Variants in EYS observed in about 807,000 individuals in gnomAD.
The protein encoded by EYS is EGF-like photoreceptor maintenance factor.
Under a neutral mutation model 282.1 loss-of-function variants are expected in EYS, and 250 were observed. The ratio of observed to expected loss-of-function variants is 0.89; its 90% confidence interval spans 0.80 to 0.98. The LOEUF (loss-of-function observed/expected upper bound fraction) is 0.98. Among genes scored for constraint, EYS ranks in the 50% least tolerant of loss-of-function variants. The pLI is 0.00. For synonymous variants in EYS, 1,355 were observed against 1,282.9 expected (o/e 1.06, Z -1.20); for missense variants, 4,016 against 3,709.0 (o/e 1.08, Z -2.15).
chr6:64,170,220 C>T (rs1764438198), intron 31 of EYS, among the ~76,000 whole-genome samples: 1 of 151,928 alleles, frequency 6.6e-6, no homozygotes, highest in Non-Finnish European at 1.5e-5. Flanking sequence ...CAATAAATAG[C>T]CACTAACAGA....
intron 12 of EYS, among the ~76,000 whole-genome samples, chr6:65,257,645 C>G (rs1445185626): frequency 6.6e-6 from 1 of 151,466 alleles, no homozygotes; most frequent in Non-Finnish European, 1.5e-5. Context: ...TGTTTTGGTA[C>G]CAGTACCATG....
At chr6:63,805,902 T>C (rs1770893716) in intron 37 of EYS, among the ~76,000 whole-genome samples, 1 of 152,102 alleles carries the variant, frequency 6.6e-6, no homozygotes, top group African/African-American at 2.4e-5. Context: ...GAACAGTGAG[T>C]CAATTAAACT....
intron 35 of EYS, among the ~76,000 whole-genome samples, chr6:63,925,973 A>G (rs1764706026): frequency 6.6e-6 from 1 of 152,156 alleles, no homozygotes; most frequent in Non-Finnish European, 1.5e-5. Flanking sequence ...CACCGCATGC[A>G]TTAGCTATTT....
chr6:65,187,360 T>G (rs986389748), intron 12 of EYS, among the ~76,000 whole-genome samples: 9 of 151,706 alleles, frequency 5.9e-5, no homozygotes, highest in Non-Finnish European at 1.2e-4. Flanking sequence ...TTACAGTTTT[T>G]TAATGTCAAG....
chr6:63,963,934 TCAAA>T (rs544896054), intron 35 of EYS, among the ~76,000 whole-genome samples: 14 of 152,332 alleles, frequency 9.2e-5, no homozygotes, highest in African/African-American at 3.4e-4. Context: ...GCAGGAATTT[TCAAA>T]CACTTATCTT....
chr6:64,857,612 G>T (rs1224995294), intron 19 of EYS, among the ~76,000 whole-genome samples: 1 of 152,050 alleles, frequency 6.6e-6, no homozygotes, highest in African/African-American at 2.4e-5. Flanking sequence ...CATTCTTTCG[G>T]ATATGTATTC....
At chr6:64,659,521 C>A (rs1053748013) in intron 22 of EYS, among the ~76,000 whole-genome samples, 1 of 151,742 alleles carries the variant, frequency 6.6e-6, no homozygotes, top group African/African-American at 2.4e-5. Context: ...AGAGAAGAAT[C>A]AAATAGATGC....
chr6:64,919,055 T>C (rs765073934), intron 15 of EYS, among the ~76,000 whole-genome samples: 2 of 152,206 alleles, frequency 1.3e-5, no homozygotes, highest in African/African-American at 2.4e-5. Context: ...TAGGTACATA[T>C]GTAGATTCTT....
intron 15 of EYS, among the ~76,000 whole-genome samples, chr6:64,931,480 T>C (rs1215602852): frequency 6.6e-6 from 1 of 152,050 alleles, no homozygotes; most frequent in Non-Finnish European, 1.5e-5. Context: ...TTCAAAATTA[T>C]AAAGAGATGA....
intron 33 of EYS, among the ~76,000 whole-genome samples, chr6:64,018,972 G>A (rs112911597): frequency 0.027 from 4,142 of 151,578 alleles, 136 homozygotes; most frequent in African/African-American, 0.077. Context: ...ACGGGGTTTC[G>A]CCATGTTGGC....
rs70999122 is a variant in EYS at position 63,727,737 on chromosome 6, A to AATATATATAT, written c.8072-1067_8072-1058dup. Among the ~76,000 whole-genome samples the AATATATATAT allele has an allele frequency of 1.0e-3, 37 of 36,728 alleles. 1 individual carries two copies. The highest frequency in any genetic ancestry group is 2.7e-3 in the African/African-American group (10 of 3,762). The allele number at this position is 36,728 out of a possible 152,430, so 24.1% of individuals were successfully genotyped here. A position where few individuals can be genotyped will look rare whatever the true frequency, so the allele number is the denominator to read the frequency against. On this transcript the variant is annotated intron_variant, in intron 41 of 42. Transcript: ENST00000503581. ...AAAAAAAAAAAAAAAAAAAAAAAAA[A>AATATATATAT]ATATATATATATATGTTAGCTGGGC... is the stretch of plus-strand genomic sequence containing the variant.
intron 2 of EYS, among the ~76,000 whole-genome samples, chr6:65,513,775 T>A (rs1292335371): frequency 6.6e-6 from 1 of 151,930 alleles, no homozygotes; most frequent in Non-Finnish European, 1.5e-5. Flanking sequence ...AAATTAGGTA[T>A]TGATGGGATG....
In EYS at chr6:64,336,687, C is replaced by T. The variant is rs188732314; in HGVS notation, c.6079-29605G>A. On this transcript the variant is annotated intron_variant, in intron 29 of 42. Transcript: ENST00000503581. Reference sequence around the variant, plus strand: ...GCAGAATACACATTCTATTCAACAGCGCATGGAACTTTCTCCAAGGTAGAC... The same window carrying T: ...GCAGAATACACATTCTATTCAACAGTGCATGGAACTTTCTCCAAGGTAGAC... 1.8e-4 allele frequency among the ~76,000 whole-genome samples: 27 copies of T among 152,018 alleles called. No homozygotes were observed. The East Asian group carries it at 4.7e-3, about 26-fold the overall frequency.
At chr6:64,252,962 A>G (rs1922964) in intron 30 of EYS, among the ~76,000 whole-genome samples, 47,523 of 151,908 alleles carry the variant, frequency 0.31, 7,454 homozygotes, top group East Asian at 0.51. Flanking sequence ...ATGGCATTCA[A>G]TAGTTGCAGA....
At chr6:64,693,592 A>G (rs1051596896) in intron 22 of EYS, among the ~76,000 whole-genome samples, 4 of 152,158 alleles carry the variant, frequency 2.6e-5, no homozygotes, top group Non-Finnish European at 5.9e-5. Context: ...ATCACTATGG[A>G]GGAAAAAATG....
chr6:64,233,136 T>C (rs1468916678), intron 30 of EYS, among the ~76,000 whole-genome samples: 1 of 152,186 alleles, frequency 6.6e-6, no homozygotes, highest in Non-Finnish European at 1.5e-5. Flanking sequence ...TCAGGGAGCC[T>C]ATGTCTCACC....
chr6:64,965,979 C>T (rs9363300), intron 14 of EYS, among the ~76,000 whole-genome samples: 2 of 130,878 alleles, frequency 1.5e-5, no homozygotes, highest in East Asian at 2.6e-4. Flanking sequence ...TGTGTGTGTG[C>T]GCCTGTGTGT....
chr6:64,112,316 C>T (rs1424370084), intron 31 of EYS, among the ~76,000 whole-genome samples: 6 of 151,962 alleles, frequency 3.9e-5, no homozygotes, highest in African/African-American at 1.4e-4. Context: ...GCCAAGAAAG[C>T]TGTTGGTCAA....
chr6:64,479,793 C>CA (rs1776381052), intron 26 of EYS, among the ~76,000 whole-genome samples: 1 of 151,834 alleles, frequency 6.6e-6, no homozygotes, highest in Non-Finnish European at 1.5e-5. Context: ...ACTGGAGTAG[C>CA]AAAAAACACC....
Sources: allele counts gnomAD v4.1 joint callset (sites outside exome capture counted in the v4.1 genomes callset), GRCh38; gene constraint gnomAD v4.1.1; transcripts MANE v1.5; gene names NCBI Gene and HGNC (gene_info 2026-07-23, HGNC 2026-07-21).